PVT1: variants seen among roughly 807,000 people sequenced by gnomAD.
The protein encoded by PVT1 is Pvt1 oncogene.
intron 3 of PVT1, among the ~76,000 whole-genome samples, chr8:127,960,395 G>A (rs1816626064): frequency 1.3e-5 from 2 of 152,110 alleles, no homozygotes; most frequent in African/African-American, 4.8e-5. Context: ...CACCCTTCCT[G>A]GAAAGACAAC....
At chr8:127,992,633 G>A (rs114335740) in intron 4 of PVT1, among the ~76,000 whole-genome samples, 2,456 of 152,302 alleles carry the variant, frequency 0.016, 71 homozygotes, top group African/African-American at 0.057. Flanking sequence ...GCAATGAACA[G>A]GAGCCTGTTT....
chr8:127,938,510 C>T (rs1483195879), intron 3 of PVT1, among the ~76,000 whole-genome samples: 1 of 152,178 alleles, frequency 6.6e-6, no homozygotes, highest in Non-Finnish European at 1.5e-5. Flanking sequence ...GGGGCTGTAT[C>T]CTGTGGCTTC....
At chr8:128,088,484 A>G (rs549421215) in intron 5 of PVT1, among the ~76,000 whole-genome samples, 21 of 152,294 alleles carry the variant, frequency 1.4e-4, no homozygotes, top group African/African-American at 4.6e-4. Context: ...TTGAAAGCCT[A>G]CTTTGTGCCA....
chr8:127,809,784 C>A (rs1814570487), intron 2 of PVT1, among the ~76,000 whole-genome samples: 1 of 152,138 alleles, frequency 6.6e-6, no homozygotes, highest in South Asian at 2.1e-4. Context: ...TGAGTTTGTT[C>A]CATAGTTTTA....
chr8:127,839,935 G>A (rs936437560), intron 2 of PVT1, among the ~76,000 whole-genome samples: 11 of 152,190 alleles, frequency 7.2e-5, no homozygotes, highest in African/African-American at 2.7e-4. Flanking sequence ...TCCTGCTGGT[G>A]CCTCCCATTG....
intron 4 of PVT1, among the ~76,000 whole-genome samples, chr8:128,056,063 C>T (rs148716641): frequency 9.2e-5 from 14 of 152,348 alleles, no homozygotes; most frequent in African/African-American, 3.4e-4. Flanking sequence ...TTCTACTCTG[C>T]TTAACCTCTT....
chr8:128,015,080 TTTATTTATTTA>T lies in PVT1; in HGVS notation n.912+25803_912+25813del, dbSNP rs1166636715. On this transcript the variant is annotated intron_variant and non_coding_transcript_variant, in intron 4 of 10. Transcript: ENST00000651587. Reference sequence around the variant, plus strand: ...ATTTATTTATTTATTTATTTATTTATTTATTTATTTATTATTTATTTATTTTTGAGACAGGG... The same window carrying T: ...ATTTATTTATTTATTTATTTATTTATTTATTTATTTATTTTTGAGACAGGG... Among the ~76,000 whole-genome samples the T allele has an allele frequency of 4.5e-3, 677 of 149,588 alleles. 3 individuals carry two copies. Among genetic ancestry groups the T allele is most frequent in the African/African-American group, 0.016 (653 of 39,760 alleles).
chr8:128,080,445 C>G (rs1814161879), intron 5 of PVT1, among the ~76,000 whole-genome samples: 1 of 152,190 alleles, frequency 6.6e-6, no homozygotes, highest in Admixed American at 6.5e-5. Flanking sequence ...GTAGTGGTAT[C>G]TAATTGTTGT....
At chr8:128,061,724 G>A (rs911433714) in intron 4 of PVT1, among the ~76,000 whole-genome samples, 9 of 152,158 alleles carry the variant, frequency 5.9e-5, no homozygotes, top group African/African-American at 2.2e-4. Flanking sequence ...GGTTTTCTCT[G>A]GGACGATGGC....
chr8:127,831,155 C>CTCTA lies in PVT1; in HGVS notation n.372+35085_372+35086insCTAT, dbSNP rs112006915. ...TCTATATCTATCTCTCTCTCTCTCT[C>CTCTA]TATATATATATATATCTCCTATTAG... On this transcript the variant is annotated intron_variant and non_coding_transcript_variant, in intron 2 of 10. Transcript: ENST00000651587. Among the ~76,000 whole-genome samples, 399 of 148,146 alleles carry CTCTA rather than the reference C, an allele frequency of 2.7e-3. 3 individuals are homozygous for CTCTA. Among genetic ancestry groups the CTCTA allele is most frequent in the African/African-American group, 9.0e-3 (359 of 39,856 alleles).
intron 3 of PVT1, among the ~76,000 whole-genome samples, chr8:127,936,979 A>G (rs1816284073): frequency 6.6e-6 from 1 of 152,256 alleles, no homozygotes; most frequent in African/African-American, 2.4e-5. Context: ...AGTTTTATAC[A>G]GGAAAGGATT....
At chr8:127,888,904 A>G (rs1815559459) in intron 2 of PVT1, among the ~76,000 whole-genome samples, 1 of 152,180 alleles carries the variant, frequency 6.6e-6, no homozygotes, top group Admixed American at 6.6e-5. Context: ...GTTTTAAACC[A>G]CTACGTTTGT....
At chr8:128,086,445 G>A (rs1363567926) in intron 5 of PVT1, among the ~76,000 whole-genome samples, 2 of 152,176 alleles carry the variant, frequency 1.3e-5, no homozygotes, top group Non-Finnish European at 2.9e-5. Context: ...GACAAGAGGG[G>A]TTAAGTCTCT....
chr8:128,055,313 G>A (rs190765238), intron 4 of PVT1, among the ~76,000 whole-genome samples: 1 of 152,292 alleles, frequency 6.6e-6, no homozygotes, highest in East Asian at 1.9e-4. Context: ...TTTAGAATGA[G>A]ACAGATTTAG....
rs145597436 is a variant in PVT1, at chr8:128,053,602, A to C, written n.913-16558A>C. On this transcript the variant is annotated intron_variant and non_coding_transcript_variant, in intron 4 of 10. Transcript: ENST00000651587. ...TTTACTAGAGATGTTACCCCTAGGAAACAAGCTCAATCCCTTGCCCCTCAG... is the reference window on the plus strand; with the variant it reads ...TTTACTAGAGATGTTACCCCTAGGACACAAGCTCAATCCCTTGCCCCTCAG... 1.3e-3 allele frequency among the ~76,000 whole-genome samples: 205 copies of C among 152,256 alleles called. 1 individual carries two copies. Among genetic ancestry groups the C allele is most frequent in the African/African-American group, 4.7e-3 (194 of 41,524 alleles).
chr8:127,928,482 T>G (rs946028398), intron 3 of PVT1, among the ~76,000 whole-genome samples: 7 of 152,238 alleles, frequency 4.6e-5, no homozygotes, highest in Non-Finnish European at 1.0e-4. Context: ...TGCTCTGCTC[T>G]GCCAGAGCTT....
chr8:128,074,151 C>G (rs191238806), intron 5 of PVT1, among the ~76,000 whole-genome samples: 38 of 151,998 alleles, frequency 2.5e-4, no homozygotes, highest in Non-Finnish European at 4.7e-4. Flanking sequence ...TTACAAGAGA[C>G]CAGAAGACAC....
chr8:127,846,893 C>A (rs1815040307), intron 2 of PVT1, among the ~76,000 whole-genome samples: 1 of 150,124 alleles, frequency 6.7e-6, no homozygotes, highest in Non-Finnish European at 1.5e-5. Context: ...TTGGGACAGG[C>A]TGGTCTTGAA....
At chr8:127,899,475 TC>T (rs1393453407) in intron 3 of PVT1, among the ~76,000 whole-genome samples, 2 of 152,180 alleles carry the variant, frequency 1.3e-5, no homozygotes, top group Non-Finnish European at 2.9e-5. Flanking sequence ...AGTCTCTGGC[TC>T]CCCGTCTCTC....
Sources: gnomAD v4.1 joint callset for allele counts (sites outside exome capture counted in the v4.1 genomes callset) on GRCh38, gnomAD v4.1.1 for gene constraint, MANE v1.5 for transcripts, NCBI Gene and HGNC (gene_info 2026-07-23, HGNC 2026-07-21) for gene names.